The following ECHDC3 variants were observed in gnomAD, a reference collection of about 807,000 sequenced individuals.
ECHDC3 encodes the protein enoyl-CoA hydratase domain containing 3.
In ECHDC3, 20 loss-of-function variants were observed where a neutral mutation model predicts 17.9. The ratio of observed to expected loss-of-function variants is 1.12; its 90% CI spans 0.79 to 1.63. ECHDC3 has a LOEUF of 1.63. Ranked by LOEUF, ECHDC3 falls within the 40% of genes most tolerant of loss-of-function variation. ECHDC3 has a pLI of 0.00. For missense variants in ECHDC3, 407 were observed against 357.7 expected, an observed-to-expected ratio of 1.14 and a Z score of -1.11; for synonymous variants, 177 against 149.7, an observed-to-expected ratio of 1.18 and a Z score of -1.33.
intron 3 of ECHDC3, among the ~76,000 whole-genome samples, chr10:11,753,216 A>G (rs1832846236): frequency 2.9e-5 from 1 of 34,846 alleles, no homozygotes; most frequent in Non-Finnish European, 8.9e-5. Flanking sequence ...CTCTGTCTCT[A>G]CTAAAAATAC....
intron 4 of ECHDC3, among the ~76,000 whole-genome samples, chr10:11,757,558 C>G (rs1262711870): frequency 6.7e-6 from 1 of 149,446 alleles, no homozygotes; most frequent in Non-Finnish European, 1.5e-5. Context: ...GGTCTCTGTT[C>G]TCATGTTCTG....
At position 11,763,767 on chromosome 10, in the gene ECHDC3, G is replaced by C; in HGVS notation, c.*223G>C. 1 of 1,334,606 alleles carries C rather than the reference G, an allele frequency of 7.5e-7. No homozygotes were observed. Among genetic ancestry groups the C allele is most frequent in the Non-Finnish European group, 9.6e-7 (1 of 1,044,106 alleles). 82.7% of individuals were successfully genotyped at this position (1,334,606 alleles called of 1,614,324 possible). ...CCTCAGTGCAAGGCTGGTGAACCCT[G>C]CAGCGGGCCAGCTATGGTGGGAAGC... On this transcript the variant is annotated 3_prime_UTR_variant, in exon 5 of 5. Coordinates refer to ENST00000379215, the MANE Select transcript of ECHDC3 (RefSeq NM_024693.5). This position sits in a 1 kb window ranked among gnomAD's most constrained non-coding sequence, Gnocchi z 4.9.
chr10:11,750,170 T>C (rs1397893626), intron 3 of ECHDC3, among the ~76,000 whole-genome samples: 1 of 152,174 alleles, frequency 6.6e-6, no homozygotes, highest in East Asian at 1.9e-4. Context: ...GAATATAGGA[T>C]GGTACTCATA....
At chr10:11,760,177 C>T (rs906394603) in intron 4 of ECHDC3, among the ~76,000 whole-genome samples, 6 of 152,214 alleles carry the variant, frequency 3.9e-5, no homozygotes, top group Non-Finnish European at 8.8e-5. Context: ...TTAGTGGCTT[C>T]TTCACTGTGT....
intron 4 of ECHDC3, among the ~76,000 whole-genome samples, chr10:11,758,336 C>A (rs1013765048): frequency 3.3e-5 from 5 of 152,184 alleles, no homozygotes; most frequent in Non-Finnish European, 4.4e-5. Context: ...TTGCTCAGAC[C>A]CTGAGCCAGT....
chr10:11,746,464 A>G (rs909002273), intron 1 of ECHDC3, among the ~76,000 whole-genome samples: 2 of 152,154 alleles, frequency 1.3e-5, no homozygotes, highest in African/African-American at 4.8e-5. Flanking sequence ...GAAACTAACT[A>G]AAAGAGTATC....
At chr10:11,762,553 C>T (rs1291908718) in intron 4 of ECHDC3, among the ~76,000 whole-genome samples, 2 of 152,168 alleles carry the variant, frequency 1.3e-5, no homozygotes, top group African/African-American at 2.4e-5. Context: ...TGGTGCAGCA[C>T]GCAGTGGTTG....
chr10:11,750,015 CA>C (rs1014336319), intron 3 of ECHDC3, among the ~76,000 whole-genome samples: 1 of 151,994 alleles, frequency 6.6e-6, no homozygotes, highest in Non-Finnish European at 1.5e-5. Flanking sequence ...AGGCTGGTCT[CA>C]AACTCCTGAC....
chr10:11,747,853 G>A (rs1311628736), intron 2 of ECHDC3, among the ~76,000 whole-genome samples: 2 of 152,096 alleles, frequency 1.3e-5, no homozygotes, highest in South Asian at 2.1e-4. Flanking sequence ...CCAAGCTTTC[G>A]AACTGATATC....
rs4750091 is a variant in ECHDC3, at chr10:11,747,406, G to A, written c.228G>A (p.Lys76=). Reference sequence around the variant, plus strand: ...ACGCGTTGTCACTTGCAATGCTGAAGTCTCTCCAAAGTGACATTCTTCATG... The same window carrying A: ...ACGCGTTGTCACTTGCAATGCTGAAATCTCTCCAAAGTGACATTCTTCATG... ...KRNALSLAML[K]SLQSDILHDA... The change falls in exon 2 of 5, where the codon AAG becomes AAA. Residue 76 remains lysine (K), a synonymous_variant. Coordinates refer to ENST00000379215, the MANE Select transcript of ECHDC3 (RefSeq NM_024693.5). 0.99 allele frequency: 1,593,725 copies of A among 1,613,952 alleles called. 788,886 individuals are homozygous for A. Among genetic ancestry groups the A allele is most frequent in the East Asian group, 1 (44,872 of 44,874 alleles).
intron 1 of ECHDC3, among the ~76,000 whole-genome samples, chr10:11,744,032 G>A (rs926248539): frequency 2.6e-5 from 4 of 152,194 alleles, no homozygotes; most frequent in East Asian, 1.9e-4. Context: ...GAACTTGAGC[G>A]ACCCACCACT....
chr10:11,751,966 C>T (rs767377335), intron 3 of ECHDC3, among the ~76,000 whole-genome samples: 1 of 152,160 alleles, frequency 6.6e-6, no homozygotes, highest in African/African-American at 2.4e-5. Flanking sequence ...ATTTTGGAGT[C>T]AGCAGACCCA....
intron 1 of ECHDC3, among the ~76,000 whole-genome samples, chr10:11,745,341 G>A (rs962462792): frequency 3.9e-5 from 6 of 152,064 alleles, no homozygotes; most frequent in East Asian, 1.9e-4. Context: ...TTAAGCATAC[G>A]TCACCGATGG....
intron 4 of ECHDC3, among the ~76,000 whole-genome samples, chr10:11,757,765 A>C (rs1832899926): frequency 6.6e-6 from 1 of 152,144 alleles, no homozygotes. Context: ...TGATAATGGG[A>C]ATTTTGCAGG....
chr10:11,763,948 A>C lies in ECHDC3; in HGVS notation c.*404A>C. 1 of 998,496 alleles carries C rather than the reference A, an allele frequency of 1.0e-6. No individual in the cohort carries two copies. The highest frequency in any genetic ancestry group is 1.2e-6 in the Non-Finnish European group (1 of 839,018). The allele number at this position is 998,496 out of a possible 1,614,324, so 61.9% of individuals were successfully genotyped here. A position where few individuals can be genotyped will look rare whatever the true frequency, so the allele number is the denominator to read the frequency against. ...ATCCTGGCTGCTCAGGAGAGGCGAC[A>C]CATTTCAAATCTCCACGAGATATTC... On this transcript the variant is annotated 3_prime_UTR_variant, in exon 5 of 5. Transcript: ENST00000379215. This position sits in a 1 kb window ranked among gnomAD's most constrained non-coding sequence, Gnocchi z 4.9.
At chr10:11,761,970 C>T (rs910117705) in intron 4 of ECHDC3, among the ~76,000 whole-genome samples, 3 of 152,068 alleles carry the variant, frequency 2.0e-5, no homozygotes, top group Admixed American at 2.0e-4. Context: ...TGGTGGCTCA[C>T]ACCTGTAATC....
At chr10:11,754,086 A>C (rs1224600511) in intron 3 of ECHDC3, among the ~76,000 whole-genome samples, 1 of 152,218 alleles carries the variant, frequency 6.6e-6, no homozygotes, top group Non-Finnish European at 1.5e-5. Context: ...GAGAAATGTC[A>C]TTAGCGTTTA....
In ECHDC3 at chr10:11,755,845, C is replaced by T. The variant is rs1759442951; in HGVS notation, c.591+237C>T. 1.6e-5 allele frequency: 8 copies of T among 487,344 alleles called. 1 individual carries two copies. In the South Asian group the frequency reaches 2.4e-4, roughly 15 times the overall value. 30.2% of individuals were successfully genotyped at this position (487,344 alleles called of 1,614,324 possible). ...CGCCAGGCGTCAATTTGTGAAATCACTGCATTTCCATCATGCGTACCCTCA... is the reference window on the plus strand; with the variant it reads ...CGCCAGGCGTCAATTTGTGAAATCATTGCATTTCCATCATGCGTACCCTCA... On this transcript the variant is annotated intron_variant, in intron 4 of 4. Coordinates refer to ENST00000379215, the MANE Select transcript of ECHDC3 (RefSeq NM_024693.5).
intron 4 of ECHDC3, among the ~76,000 whole-genome samples, chr10:11,760,409 C>G (rs1588466091): frequency 2.6e-5 from 4 of 152,338 alleles, no homozygotes; most frequent in African/African-American, 9.6e-5. Flanking sequence ...CTGCAAGCCC[C>G]CCACCTGGGA....
Sources: gnomAD v4.1 joint callset for allele counts (sites outside exome capture counted in the v4.1 genomes callset) on GRCh38, gnomAD v4.1.1 for gene constraint, Gnocchi (gnomAD v3.1) non-coding constraint, MANE v1.5 for transcripts, NCBI Gene and HGNC (gene_info 2026-07-23, HGNC 2026-07-21) for gene names.